The following FAM117B variants were observed in gnomAD, a reference collection of about 807,000 sequenced individuals.
FAM117B encodes the protein protein FAM117B.
FAM117B carries 22 observed loss-of-function variants against 52.8 expected under a neutral mutation model. The ratio of observed to expected loss-of-function variants is 0.42; its 90% CI spans 0.30 to 0.59. FAM117B has a LOEUF of 0.59. FAM117B is among the 20% of genes least tolerant of loss of function. FAM117B has a pLI of 0.22. For synonymous variants in FAM117B, 309 were observed against 324.1 expected (o/e 0.95, Z 0.50); for missense variants, 678 against 802.6 (o/e 0.84, Z 1.88).
chr2:202,647,657 G>A (rs1053673529), intron 1 of FAM117B, among the ~76,000 whole-genome samples: 4 of 152,146 alleles, frequency 2.6e-5, no homozygotes, highest in African/African-American at 9.7e-5. Context: ...AACTTATTTT[G>A]GGGCAGATGA....
intron 1 of FAM117B, among the ~76,000 whole-genome samples, chr2:202,683,307 C>T (rs543120538): frequency 5.9e-5 from 9 of 152,014 alleles, no homozygotes; most frequent in South Asian, 2.1e-4. Context: ...CCAGCTTGGG[C>T]GACAGGGTGA....
intron 1 of FAM117B, among the ~76,000 whole-genome samples, chr2:202,650,826 T>TG (rs759471251): frequency 4.6e-5 from 7 of 152,186 alleles, no homozygotes; most frequent in Non-Finnish European, 7.3e-5. Flanking sequence ...CAAGATCTTC[T>TG]CCTGCCTGCT....
intron 4 of FAM117B, among the ~76,000 whole-genome samples, chr2:202,735,354 T>C (rs879783979): frequency 3.3e-5 from 5 of 152,212 alleles, no homozygotes; most frequent in Non-Finnish European, 5.9e-5. Context: ...AGATGATTTT[T>C]ACTAGGAAAT....
chr2:202,641,641 CT>C (rs36085021), intron 1 of FAM117B, among the ~76,000 whole-genome samples: 64,504 of 140,060 alleles, frequency 0.46, 14,813 homozygotes, highest in Middle Eastern at 0.57. Flanking sequence ...ATTTTATTTT[CT>C]TTTTTTTTTT....
intron 4 of FAM117B, among the ~76,000 whole-genome samples, chr2:202,744,848 G>C (rs1263420333): frequency 6.6e-6 from 1 of 150,928 alleles, no homozygotes; most frequent in Admixed American, 6.6e-5. Flanking sequence ...ATGGTGGCAG[G>C]TTCCTGTAAT....
At chr2:202,650,364 G>A (rs1689938729) in intron 1 of FAM117B, among the ~76,000 whole-genome samples, 1 of 152,084 alleles carries the variant, frequency 6.6e-6, no homozygotes, top group Admixed American at 6.6e-5. Flanking sequence ...AAAATTTTCT[G>A]TATTCATACA....
intron 1 of FAM117B, among the ~76,000 whole-genome samples, chr2:202,639,927 G>A (rs1209083321): frequency 2.0e-5 from 3 of 152,038 alleles, no homozygotes; most frequent in Non-Finnish European, 4.4e-5. Context: ...TTCTCAAAGT[G>A]TAGTCTGTGG....
chr2:202,644,935 G>A (rs1226948858), intron 1 of FAM117B, among the ~76,000 whole-genome samples: 2 of 151,770 alleles, frequency 1.3e-5, no homozygotes, highest in Non-Finnish European at 2.9e-5. Flanking sequence ...GTTACTCTGT[G>A]GGCTTTTTCA....
chr2:202,742,732 CAG>C (rs139745572), intron 4 of FAM117B, among the ~76,000 whole-genome samples: 3,301 of 152,188 alleles, frequency 0.022, 112 homozygotes, highest in African/African-American at 0.074. Flanking sequence ...ACTGAAAAAA[CAG>C]AAAATATTCA....
intron 7 of FAM117B, among the ~76,000 whole-genome samples, chr2:202,762,644 G>A (rs964030847): frequency 6.6e-6 from 1 of 152,042 alleles, no homozygotes; most frequent in South Asian, 2.1e-4. Context: ...TTGAAGTAAC[G>A]TTAGTATTTG....
At chr2:202,668,508 A>G (rs1690243373) in intron 1 of FAM117B, among the ~76,000 whole-genome samples, 1 of 140,414 alleles carries the variant, frequency 7.1e-6, no homozygotes, top group Non-Finnish European at 1.5e-5. Flanking sequence ...AGACTGTGTG[A>G]CAGAGCGAGA....
chr2:202,760,249 T>C (rs1479194905), intron 7 of FAM117B, among the ~76,000 whole-genome samples: 3 of 152,216 alleles, frequency 2.0e-5, no homozygotes, highest in Non-Finnish European at 2.9e-5. Context: ...TGTGAACATG[T>C]ATCCAGTCAT....
At chr2:202,645,381 C>T (rs1409824158) in intron 1 of FAM117B, among the ~76,000 whole-genome samples, 2 of 150,946 alleles carry the variant, frequency 1.3e-5, no homozygotes, top group Non-Finnish European at 3.0e-5. Context: ...CTCCGCCCCC[C>T]GGGGTTCACG....
chr2:202,731,332 A>AATATATAT (rs35255766), intron 4 of FAM117B, among the ~76,000 whole-genome samples: 2,315 of 30,544 alleles, frequency 0.076, 182 homozygotes, highest in Middle Eastern at 0.17. Context: ...GAGAAATTGG[A>AATATATAT]ATATATATAT....
At chr2:202,665,252 T>C (rs1318868518) in intron 1 of FAM117B, among the ~76,000 whole-genome samples, 1 of 151,766 alleles carries the variant, frequency 6.6e-6, no homozygotes, top group East Asian at 1.9e-4. Context: ...TGATCTAAGC[T>C]TACTGCAACC....
chr2:202,759,398 T>G (rs765694945), intron 7 of FAM117B, 45 bp downstream of exon 7: 3 of 1,224,022 alleles, frequency 2.5e-6, no homozygotes, highest in Non-Finnish European at 3.3e-6. Context: ...TATTATGAGC[T>G]TTTTTTTTTG....
At position 202,755,570 on chromosome 2, in the gene FAM117B, A is replaced by G; in HGVS notation, c.993A>G (p.Val331=). ...APVPKSALIP[V]IPITKSTGSR... ...TTCCAAAGAGTGCACTTATTCCTGT[A>G]ATTCCCATCACCAAATCAACAGGCT... Residue 331 remains valine, a synonymous_variant, in exon 5 of 8, where the codon GTA becomes GTG. Coordinates refer to ENST00000392238, the MANE Select transcript of FAM117B (RefSeq NM_173511.4). The G allele has an allele frequency of 6.2e-7, 1 of 1,614,172 alleles. No homozygotes were observed. The highest frequency in any genetic ancestry group is 8.5e-7 in the Non-Finnish European group (1 of 1,180,010).
chr2:202,688,526 G>A (rs1263713698), intron 1 of FAM117B, among the ~76,000 whole-genome samples: 1 of 151,998 alleles, frequency 6.6e-6, no homozygotes, highest in Non-Finnish European at 1.5e-5. Flanking sequence ...GAAACTGATA[G>A]AACCTCTTTG....
chr2:202,710,949 A>C (rs1690948255), intron 2 of FAM117B, among the ~76,000 whole-genome samples: 1 of 151,846 alleles, frequency 6.6e-6, no homozygotes, highest in African/African-American at 2.4e-5. Context: ...TTCTTTATTC[A>C]TTTGTCTGTT....
Sources: allele counts gnomAD v4.1 joint callset (sites outside exome capture counted in the v4.1 genomes callset), GRCh38; gene constraint gnomAD v4.1.1; transcripts MANE v1.5; gene names NCBI Gene and HGNC (gene_info 2026-07-23, HGNC 2026-07-21).